Variants in CAVIN4 observed in about 807,000 individuals in gnomAD.
The protein encoded by CAVIN4 is caveolae associated protein 4, also known as caveolae-associated protein 4.
Under a neutral mutation model 18.6 loss-of-function variants are expected in CAVIN4, and 10 were observed. That is an observed-to-expected ratio of 0.54 (90% CI 0.33 to 0.91). The LOEUF is 0.91. CAVIN4 is among the 40% of genes least tolerant of loss of function. CAVIN4 has a pLI of 0.02. For synonymous variants in CAVIN4, 173 were observed against 164.8 expected (o/e 1.05, Z -0.38); for missense variants, 459 against 440.5 (o/e 1.04, Z -0.38).
chr9:100,581,200 A>G (rs1027392906), intron 1 of CAVIN4: 1 of 152,120 alleles, frequency 6.6e-6, no homozygotes, highest in Admixed American at 6.6e-5. Flanking sequence ...CCCTTGACCA[A>G]AGACTGGTCC....
At chr9:100,584,200 C>T (rs939231501) in intron 1 of CAVIN4, among the ~76,000 whole-genome samples, 1 of 152,232 alleles carries the variant, frequency 6.6e-6, no homozygotes, top group African/African-American at 2.4e-5. Flanking sequence ...TCAAACAGCA[C>T]CTTCCTTGTC....
In CAVIN4 at chr9:100,578,503, G is replaced by A; in HGVS notation, c.360G>A (p.Lys120=). ...TTCATGTTAAAAAAGTTGAAGTCAA[G>A]CAAGAGGAAATAATGAAGAAAAACA... ...QQIHVKKVEV[K]QEEIMKKNKF... is the part of the protein sequence containing the mutation. Residue 120 remains lysine, a synonymous_variant, in exon 1 of 2, where the codon AAG becomes AAA. Coordinates refer to ENST00000307584, the MANE Select transcript of CAVIN4 (RefSeq NM_001018116.2). The A allele has an allele frequency of 6.2e-7, 1 of 1,613,834 alleles. No individual in the cohort carries two copies. Among genetic ancestry groups the A allele is most frequent in the Non-Finnish European group, 8.5e-7 (1 of 1,179,968 alleles).
At chr9:100,583,897 G>A (rs1447771932) in intron 1 of CAVIN4, among the ~76,000 whole-genome samples, 1 of 152,082 alleles carries the variant, frequency 6.6e-6, no homozygotes, top group Non-Finnish European at 1.5e-5. Flanking sequence ...CCCCTGCCTC[G>A]GCCTTCCAGA....
chr9:100,586,149 T>C lies in CAVIN4; in HGVS notation c.793T>C (p.Ser265Pro), dbSNP rs751070367. The change falls in exon 2 of 2, where the codon TCA becomes CCA. Residue 265 changes from serine (S) to proline (P), a missense_variant. Ser to Pro is a moderately conservative substitution (Grantham distance 74). Transcript: ENST00000307584. ...FKKSISNAAP[S>P]KEAFKMRSLR... ...GAAATCTATTTCTAATGCAGCTCCC[T>C]CAAAGGAAGCTTTTAAGATGCGCAG... 1.9e-6 allele frequency: 3 copies of C among 1,572,426 alleles called. No individual in the cohort carries two copies. Among genetic ancestry groups the C allele is most frequent in the Non-Finnish European group, 2.6e-6 (3 of 1,161,938 alleles).
intron 1 of CAVIN4, among the ~76,000 whole-genome samples, chr9:100,582,410 A>G (rs1316432258): frequency 6.6e-6 from 1 of 151,982 alleles, no homozygotes; most frequent in African/African-American, 2.4e-5. Context: ...CTACGGTGCA[A>G]TCATAGCTCA....
At chr9:100,582,223 G>T (rs1373483663) in intron 1 of CAVIN4, among the ~76,000 whole-genome samples, 1 of 152,034 alleles carries the variant, frequency 6.6e-6, no homozygotes, top group African/African-American at 2.4e-5. Flanking sequence ...TATTCAGTTG[G>T]GTTCCTCTAG....
upstream of CAVIN4, chr9:100,577,512 C>T (rs1401673776): frequency 6.6e-6 from 1 of 152,384 alleles, no homozygotes; most frequent in Non-Finnish European, 1.5e-5. Context: ...AGAATGTATT[C>T]AGCTGTTTAA....
intron 1 of CAVIN4, among the ~76,000 whole-genome samples, chr9:100,580,925 T>G (rs1587866564): frequency 3.3e-5 from 5 of 152,350 alleles, no homozygotes; most frequent in Admixed American, 3.3e-4. Flanking sequence ...TCTTAGCAGT[T>G]AAAATTAGTT....
intron 1 of CAVIN4, among the ~76,000 whole-genome samples, chr9:100,584,639 C>G (rs755262232): frequency 1.3e-5 from 2 of 152,154 alleles, no homozygotes; most frequent in Non-Finnish European, 2.9e-5. Flanking sequence ...GAGTTAGCCA[C>G]TTGAGGAAGT....
chr9:100,585,315 A>G (rs1839464923), intron 1 of CAVIN4, among the ~76,000 whole-genome samples: 1 of 152,182 alleles, frequency 6.6e-6, no homozygotes, highest in Non-Finnish European at 1.5e-5. Context: ...ATTATGATTC[A>G]GGTGTTTCTA....
At position 100,578,577 on chromosome 9, in the gene CAVIN4, G is replaced by A. The variant is rs574501648; in HGVS notation, c.408+26G>A. 1.6e-5 allele frequency: 25 copies of A among 1,611,304 alleles called. No individual in the cohort carries two copies. In the South Asian group the frequency reaches 2.3e-4, roughly 15 times the overall value. On this transcript the variant is annotated intron_variant, in intron 1 of 1. Transcript: ENST00000307584. ...GTAAGCTTGCACTTGTGTTCAGCTT[G>A]CTTGTTCTAATCTCTTGCATCTTTT...
At chr9:100,579,986 T>G (rs1839410760) in intron 1 of CAVIN4, among the ~76,000 whole-genome samples, 2 of 152,118 alleles carry the variant, frequency 1.3e-5, no homozygotes, top group Admixed American at 1.3e-4. Context: ...GAAGAGTTGC[T>G]TATTTCAAAG....
At chr9:100,584,938 A>G (rs1839462138) in intron 1 of CAVIN4, among the ~76,000 whole-genome samples, 1 of 152,170 alleles carries the variant, frequency 6.6e-6, no homozygotes, top group South Asian at 2.1e-4. Flanking sequence ...GAGTGATTGT[A>G]TGTTTCTGGG....
In CAVIN4 at chr9:100,586,250, C is replaced by T. The variant is rs1279886924; in HGVS notation, c.894C>T (p.Ala298=). ...GGGAGATGGGTGTGGACATCATTGC[C>T]AGGAGCGAGTCTCTGGGCCCCATCA... ...CAREMGVDII[A]RSESLGPISE... is the part of the protein sequence containing the mutation. The change falls in exon 2 of 2, where the codon GCC becomes GCT. Residue 298 remains alanine (A), a synonymous_variant. Coordinates refer to ENST00000307584, the MANE Select transcript of CAVIN4 (RefSeq NM_001018116.2). The T allele has an allele frequency of 1.9e-6, 3 of 1,579,040 alleles. No individual in the cohort carries two copies. The highest frequency in any genetic ancestry group is 2.6e-6 in the Non-Finnish European group (3 of 1,161,688).
chr9:100,586,070 A>C lies in CAVIN4; in HGVS notation c.714A>C (p.Gly238=), dbSNP rs146549670. ...PERRERLRQS[G]ERLRQSGERL... Reference sequence around the variant, plus strand: ...GGAGAGAGAGGCTAAGGCAGTCAGGAGAGAGGCTGAGACAGTCAGGGGAGA... The same window carrying C: ...GGAGAGAGAGGCTAAGGCAGTCAGGCGAGAGGCTGAGACAGTCAGGGGAGA... Residue 238 remains glycine, a synonymous_variant, in exon 2 of 2, where the codon GGA becomes GGC. Coordinates refer to ENST00000307584, the MANE Select transcript of CAVIN4 (RefSeq NM_001018116.2). 24 of 1,603,548 alleles carry C rather than the reference A, an allele frequency of 1.5e-5. No individual in the cohort carries two copies. The highest frequency in any genetic ancestry group is 2.1e-5 in the Non-Finnish European group (24 of 1,170,670).
At chr9:100,578,643 T>C in intron 1 of CAVIN4, 92 bp downstream of exon 1, 1 of 1,214,912 alleles carries the variant, frequency 8.2e-7, no homozygotes, top group Admixed American at 1.7e-5. Context: ...GTGTCACATC[T>C]TAACTATTGT....
At chr9:100,578,060 T>C, upstream of CAVIN4, 3 of 1,413,168 alleles carry the variant, frequency 2.1e-6, no homozygotes, top group Middle Eastern at 1.8e-4. Context: ...TAAACAACCC[T>C]GTTGCCTGTT....
chr9:100,579,232 G>T (rs1839403565), intron 1 of CAVIN4, among the ~76,000 whole-genome samples: 1 of 152,092 alleles, frequency 6.6e-6, no homozygotes, highest in South Asian at 2.1e-4. Context: ...TGTGTATTGA[G>T]CTAAGTTCCC....
At position 100,587,903 on chromosome 9, in the gene CAVIN4, AAAAG is replaced by A. The variant is rs1419941937; in HGVS notation, c.*1456_*1459del. 8.1e-6 allele frequency: 1 copy of A among 122,912 alleles called. No homozygotes were observed. The highest frequency in any genetic ancestry group is 2.0e-5 in the Non-Finnish European group (1 of 50,350). 7.6% of individuals were successfully genotyped at this position (122,912 alleles called of 1,614,324 possible). On this transcript the variant is annotated 3_prime_UTR_variant, in exon 2 of 2. Coordinates refer to ENST00000307584, the MANE Select transcript of CAVIN4 (RefSeq NM_001018116.2). ...AGACTCTGTTTCAAAAAAAAAGAAA[AAAAG>A]AAAAGAAAGAAATGGTAGTACTGAT...
Sources: allele counts gnomAD v4.1 joint callset (sites outside exome capture counted in the v4.1 genomes callset), GRCh38; gene constraint gnomAD v4.1.1; transcripts MANE v1.5; gene names NCBI Gene and HGNC (gene_info 2026-07-23, HGNC 2026-07-21).